The following ZNF532 variants were observed in gnomAD, a reference collection of about 807,000 sequenced individuals.
ZNF532 encodes the protein zinc finger protein 532.
ZNF532 carries 22 observed loss-of-function variants against 89.3 expected under a neutral mutation model. The observed-to-expected ratio is 0.25, with a 90% confidence interval of 0.18 to 0.35. The LOEUF (loss-of-function observed/expected upper bound fraction) is 0.35, where lower values mean the gene tolerates loss of function less well. ZNF532 is among the 10% of genes least tolerant of loss of function. ZNF532 has a pLI of 1.00. For synonymous variants in ZNF532, 606 were observed against 649.6 expected, an observed-to-expected ratio of 0.93 and a Z score of 1.02; for missense variants, 1,132 against 1,643.4, an observed-to-expected ratio of 0.69 and a Z score of 5.38.
intron 5 of ZNF532, among the ~76,000 whole-genome samples, chr18:58,945,683 C>G (rs182369528): frequency 4.6e-5 from 7 of 152,156 alleles, no homozygotes; most frequent in Non-Finnish European, 7.4e-5. Context: ...CTTAGCCTAG[C>G]TAGTAAATCT....
chr18:58,942,393 TCCTTCCTTCCTTCCTA>T (rs1267763488), intron 5 of ZNF532, among the ~76,000 whole-genome samples: 1 of 134,440 alleles, frequency 7.4e-6, no homozygotes, highest in African/African-American at 2.9e-5. Context: ...CTTCCTTCCT[TCCTTCCTTCCTTCCTA>T]AGTGCAAGCC....
chr18:58,900,666 T>C (rs2059546162), intron 2 of ZNF532, among the ~76,000 whole-genome samples: 1 of 152,172 alleles, frequency 6.6e-6, no homozygotes, highest in Non-Finnish European at 1.5e-5. Context: ...TGTTGATGCC[T>C]CACCTTGGCT....
intron 2 of ZNF532, among the ~76,000 whole-genome samples, chr18:58,908,914 A>G (rs1306698645): frequency 6.6e-6 from 1 of 152,218 alleles, no homozygotes; most frequent in Non-Finnish European, 1.5e-5. Context: ...AACATCCTAC[A>G]GAACTAGTAT....
intron 9 of ZNF532, among the ~76,000 whole-genome samples, chr18:58,982,343 G>A (rs1183711664): frequency 6.6e-6 from 1 of 151,650 alleles, no homozygotes; most frequent in African/African-American, 2.4e-5. Flanking sequence ...AGTTTAGGCC[G>A]GACACAGTGG....
chr18:58,947,977 C>A, intron 5 of ZNF532, 90 bp from the exon 6 acceptor site: 1 of 1,285,776 alleles, frequency 7.8e-7, no homozygotes, highest in Non-Finnish European at 1.1e-6. Flanking sequence ...CAATGTGCCT[C>A]TGCCTCCCAA....
chr18:58,919,143 T>C lies in ZNF532; in HGVS notation c.856T>C (p.Ser286Pro), dbSNP rs1490833930. 1.2e-6 allele frequency: 2 copies of C among 1,614,202 alleles called. No homozygotes were observed. Among genetic ancestry groups the C allele is most frequent in the Non-Finnish European group, 1.7e-6 (2 of 1,180,038 alleles). Residue 286 changes from serine (S) to proline (P), a missense_variant, in exon 3 of 10, where the codon TCC becomes CCC. By Grantham distance (74) the Ser-to-Pro change is moderately conservative. Transcript: ENST00000591808. The surrounding 1 kb of genome is among the most constrained non-coding windows in gnomAD (Gnocchi z 6.1). ...ALSAKKAASDSCKEPVANSRE... is the reference protein window; with the variant it reads ...ALSAKKAASDPCKEPVANSRE... ...CAGCGCTAAAAAGGCGGCTTCAGAC[T>C]CCTGCAAAGAACCAGTGGCCAATTC...
chr18:58,945,739 T>TTA (rs2063593739), intron 5 of ZNF532, among the ~76,000 whole-genome samples: 1 of 151,730 alleles, frequency 6.6e-6, no homozygotes, highest in Non-Finnish European at 1.5e-5. Flanking sequence ...TTATTTTTTT[T>TTA]TTTTTTTGAG....
intron 7 of ZNF532, among the ~76,000 whole-genome samples, chr18:58,971,991 G>A (rs1204396977): frequency 2.0e-5 from 3 of 152,174 alleles, no homozygotes; most frequent in Non-Finnish European, 4.4e-5. Flanking sequence ...ATCACCTGAG[G>A]TAAGAAGTTT....
intron 2 of ZNF532, among the ~76,000 whole-genome samples, chr18:58,867,032 C>T (rs1452802381): frequency 2.0e-5 from 3 of 152,252 alleles, no homozygotes; most frequent in Non-Finnish European, 2.9e-5. Flanking sequence ...TCCGAATCCA[C>T]GCTGCGCGTG....
At chr18:58,900,641 C>T (rs1301173532) in intron 2 of ZNF532, among the ~76,000 whole-genome samples, 1 of 152,196 alleles carries the variant, frequency 6.6e-6, no homozygotes, top group Non-Finnish European at 1.5e-5. Context: ...TGTCCTCCTC[C>T]TCTTCCCCAA....
chr18:58,902,252 A>T (rs2145680863), intron 2 of ZNF532, among the ~76,000 whole-genome samples: 1 of 152,292 alleles, frequency 6.6e-6, no homozygotes, highest in South Asian at 2.1e-4. Context: ...TTAAGATCAT[A>T]GCCCATCTTT....
intron 7 of ZNF532, among the ~76,000 whole-genome samples, chr18:58,958,888 A>G (rs2065052424): frequency 6.6e-6 from 1 of 152,178 alleles, no homozygotes; most frequent in African/African-American, 2.4e-5. Context: ...TTTACATACA[A>G]TTTTAGGTGG....
intron 4 of ZNF532, among the ~76,000 whole-genome samples, chr18:58,934,864 G>T (rs553867116): frequency 1.1e-4 from 17 of 152,256 alleles, no homozygotes; most frequent in Admixed American, 1.0e-3. Context: ...CATGTGTGCA[G>T]GTGTGGCTTT....
chr18:58,944,894 A>G (rs1244352019), intron 5 of ZNF532, among the ~76,000 whole-genome samples: 2 of 152,010 alleles, frequency 1.3e-5, no homozygotes, highest in African/African-American at 2.4e-5. Context: ...CCTGCTTTGT[A>G]TTTAGGAGGA....
Position 58,984,096 on chromosome 18 carries a change from G to A in ZNF532, c.3536G>A (p.Cys1179Tyr). The change falls in exon 10 of 10, where the codon TGT becomes TAT. Residue 1179 changes from cysteine to tyrosine, a missense_variant. Physicochemically the swap from Cys to Tyr is radical, Grantham distance 194 (BLOSUM62 -2). Coordinates refer to ENST00000591808, the MANE Select transcript of ZNF532 (RefSeq NM_001375912.1). ...TTTAAGGTTCACAAGTGTGCCGTGT[G>A]TGGCTTCACCACCGAAAACCTGCTG... ...NVFKVHKCAV[C>Y]GFTTENLLQF... is the part of the protein sequence containing the mutation. 1 of 1,611,860 alleles carries A rather than the reference G, an allele frequency of 6.2e-7. No individual in the cohort carries two copies. Among genetic ancestry groups the A allele is most frequent in the Non-Finnish European group, 8.5e-7 (1 of 1,179,842 alleles).
Position 58,892,506 on chromosome 18 carries a change from C to A in ZNF532, c.-17-25765C>A, listed in dbSNP as rs894606954. ...TATCCCAAATGTTACCAGTTGATCT[C>A]TGGTGAGGAGGCCTCCCAGAGGCCT... On this transcript the variant is annotated intron_variant, in intron 2 of 9. Coordinates refer to ENST00000591808, the MANE Select transcript of ZNF532 (RefSeq NM_001375912.1). Among the ~76,000 whole-genome samples, 5 of 152,206 alleles carry A rather than the reference C, an allele frequency of 3.3e-5. No homozygotes were observed. In the East Asian group the frequency reaches 9.6e-4, roughly 29 times the overall value.
At chr18:58,942,150 GT>G (rs2063160863) in intron 5 of ZNF532, among the ~76,000 whole-genome samples, 1 of 151,354 alleles carries the variant, frequency 6.6e-6, no homozygotes, top group Non-Finnish European at 1.5e-5. Context: ...AGCCTCCTGA[GT>G]AGCTGGGACT....
At chr18:58,888,890 T>TAATATATATA (rs1568249226) in intron 2 of ZNF532, among the ~76,000 whole-genome samples, 1 of 34,418 alleles carries the variant, frequency 2.9e-5, no homozygotes, top group African/African-American at 1.4e-4. Context: ...ATATATATAT[T>TAATATATATA]TTATATATAT....
chr18:58,897,014 AGTCTT>A (rs1340477849), intron 2 of ZNF532, among the ~76,000 whole-genome samples: 1 of 152,194 alleles, frequency 6.6e-6, no homozygotes, highest in Non-Finnish European at 1.5e-5. Flanking sequence ...TCTGGGGTCT[AGTCTT>A]AGGTTGTAAG....
Sources: gnomAD v4.1 joint callset for allele counts (sites outside exome capture counted in the v4.1 genomes callset) on GRCh38, gnomAD v4.1.1 for gene constraint, Gnocchi (gnomAD v3.1) non-coding constraint, MANE v1.5 for transcripts, NCBI Gene and HGNC (gene_info 2026-07-23, HGNC 2026-07-21) for gene names.